The following LUC7L3 variants were observed in gnomAD, a reference collection of about 807,000 sequenced individuals.
LUC7L3 encodes luc7-like protein 3.
A neutral mutation model predicts 66.8 loss-of-function variants in LUC7L3; 6 were observed. The ratio of observed to expected loss-of-function variants is 0.09; its 90% CI spans 0.05 to 0.18. LUC7L3 has a LOEUF of 0.18. Among genes scored for constraint, LUC7L3 ranks in the 10% least tolerant of loss-of-function variants. The probability of loss-of-function intolerance (pLI) is 1.00; values close to 1 mark genes in which losing one functional copy is unlikely to be tolerated. For missense variants in LUC7L3, 341 were observed against 531.1 expected, an observed-to-expected ratio of 0.64 and a Z score of 3.52; for synonymous variants, 160 against 174.7, an observed-to-expected ratio of 0.92 and a Z score of 0.66.
rs764272372 is a variant in LUC7L3 at position 50,719,823 on chromosome 17, C to A, written c.91C>A (p.His31Asn). ...DEKRSNVRWD[H>N]ESVCKYYLCG... The stretch of plus-strand genomic sequence containing the variant: ...GAAGCGCAGCAACGTGCGGTGGGAC[C>A]ACGAGAGCGTAAGTCCCGCGGGCCT... Residue 31 changes from histidine to asparagine, a missense_variant, in exon 1 of 10, where the codon CAC becomes AAC. This residue lies in a region of LUC7L3 where 19 missense variants were observed against 17.4 expected (regional missense o/e 1.09). Transcript: ENST00000505658. 3.1e-6 allele frequency: 5 copies of A among 1,602,668 alleles called. No homozygotes were observed. The East Asian group carries it at 9.0e-5, about 29-fold the overall frequency.
chr17:50,753,004 T>C lies in LUC7L3; in HGVS notation c.*2343T>C, dbSNP rs543109151. 2 of 152,348 alleles carry C rather than the reference T, an allele frequency of 1.3e-5. No individual in the cohort carries two copies. The highest frequency in any genetic ancestry group is 3.9e-4 in the East Asian group (2 of 5,192). 9.4% of individuals were successfully genotyped at this position (152,348 alleles called of 1,614,324 possible). A position where few individuals can be genotyped will look rare whatever the true frequency, so the allele number is the denominator to read the frequency against. On this transcript the variant is annotated 3_prime_UTR_variant, in exon 10 of 10. Coordinates refer to ENST00000505658, the MANE Select transcript of LUC7L3 (RefSeq NM_016424.5). Reference sequence around the variant, plus strand: ...AGCTATGGGATGATGTAGAAAAGCATTCAAGAGCTAGTTTTTGTTAAGTCC... The same window carrying C: ...AGCTATGGGATGATGTAGAAAAGCACTCAAGAGCTAGTTTTTGTTAAGTCC...
intron 7 of LUC7L3, 128 bp downstream of exon 7, chr17:50,744,941 A>G (rs746863777): frequency 8.7e-6 from 6 of 689,968 alleles, no homozygotes; most frequent in East Asian, 2.8e-5. Flanking sequence ...CCTCCTGAGT[A>G]GCTGGGAGTA....
chr17:50,733,080 G>A (rs937437028), intron 1 of LUC7L3, among the ~76,000 whole-genome samples: 1 of 152,126 alleles, frequency 6.6e-6, no homozygotes, highest in South Asian at 2.1e-4. Context: ...TTAAACTTAC[G>A]AAACACTTAA....
intron 2 of LUC7L3, 57 bp downstream of exon 2, chr17:50,737,083 A>G: frequency 7.9e-7 from 1 of 1,269,702 alleles, no homozygotes; most frequent in Admixed American, 2.1e-5. Flanking sequence ...AATGTTGAAT[A>G]GGAGTGGTGA....
chr17:50,729,584 A>G (rs143886685), intron 1 of LUC7L3, among the ~76,000 whole-genome samples: 302 of 152,010 alleles, frequency 2.0e-3, no homozygotes, highest in African/African-American at 7.0e-3. Context: ...ACACACCCAC[A>G]CTCACCCAGA....
At chr17:50,728,203 A>G (rs1969331044) in intron 1 of LUC7L3, among the ~76,000 whole-genome samples, 1 of 152,152 alleles carries the variant, frequency 6.6e-6, no homozygotes, top group South Asian at 2.1e-4. Context: ...TTCTAAGCAG[A>G]AGAGAGATGT....
rs371267772 is a variant in LUC7L3, at chr17:50,743,695, A to C, written c.427-11A>C. 2 of 1,542,568 alleles carry C rather than the reference A, an allele frequency of 1.3e-6. No homozygotes were observed. The highest frequency in any genetic ancestry group is 3.5e-5 in the Admixed American group (2 of 57,748). On this transcript the variant is annotated splice_polypyrimidine_tract_variant and intron_variant, in intron 5 of 9. Transcript: ENST00000505658. ...GAAATCTTAACTGTTTTTTTCCCCTACTCTTCTAAGATTGAAGAATTAGGG... is the reference window on the plus strand; with the variant it reads ...GAAATCTTAACTGTTTTTTTCCCCTCCTCTTCTAAGATTGAAGAATTAGGG...
rs771007654 is a variant in LUC7L3 at position 50,740,285 on chromosome 17, C to T, written c.167-21C>T. 2.6e-6 allele frequency: 4 copies of T among 1,544,812 alleles called. No homozygotes were observed. The Admixed American group carries it at 5.6e-5, about 22-fold the overall frequency. On this transcript the variant is annotated intron_variant, in intron 2 of 9. Transcript: ENST00000505658. ...TGCTAATAATCACAGATAATTTATA[C>T]AATTATATTTTTTCCCCCAGGTCCG...
chr17:50,733,278 C>G (rs1419783182), intron 1 of LUC7L3, among the ~76,000 whole-genome samples: 1 of 150,736 alleles, frequency 6.6e-6, no homozygotes, highest in Non-Finnish European at 1.5e-5. Flanking sequence ...GAGTCTCGCT[C>G]TATCACCCGG....
intron 1 of LUC7L3, among the ~76,000 whole-genome samples, chr17:50,732,479 T>A (rs1208600862): frequency 5.3e-5 from 8 of 151,934 alleles, no homozygotes; most frequent in Admixed American, 1.3e-4. Context: ...CCTCCTGGGC[T>A]CCAACGACCC....
At chr17:50,728,678 C>T (rs763944906) in intron 1 of LUC7L3, among the ~76,000 whole-genome samples, 13 of 152,138 alleles carry the variant, frequency 8.5e-5, no homozygotes, top group Non-Finnish European at 1.8e-4. Flanking sequence ...CTCAGTCTCC[C>T]GAGTAGCTGG....
intron 1 of LUC7L3, chr17:50,723,586 T>C (rs1968938618): frequency 6.5e-6 from 1 of 154,882 alleles, no homozygotes; most frequent in Admixed American, 6.3e-5. Context: ...GTCACCAAAA[T>C]GTTCATAGTA....
intron 1 of LUC7L3, among the ~76,000 whole-genome samples, chr17:50,732,886 G>A (rs547937750): frequency 5.3e-5 from 8 of 152,214 alleles, no homozygotes; most frequent in Admixed American, 5.2e-4. Context: ...ACAGGCATGA[G>A]CCCCGCCAGG....
chr17:50,727,668 G>A (rs778958444), intron 1 of LUC7L3, among the ~76,000 whole-genome samples: 5 of 152,202 alleles, frequency 3.3e-5, no homozygotes, highest in Non-Finnish European at 5.9e-5. Context: ...TAGCCTGAGG[G>A]AGAGGAGAGA....
At chr17:50,724,181 A>G (rs1366859863) in intron 1 of LUC7L3, 1 of 266,600 alleles carries the variant, frequency 3.8e-6, no homozygotes, top group Non-Finnish European at 7.6e-6. Context: ...TGTTATTGTC[A>G]ACCTTAAAGC....
rs3063109 is a variant in LUC7L3 at position 50,730,513 on chromosome 17, C to CAAAAAAAAAAAAAAA, written c.100-6436_100-6422dup. Among the ~76,000 whole-genome samples, 35 of 59,086 alleles carry CAAAAAAAAAAAAAAA rather than the reference C, an allele frequency of 5.9e-4. 1 individual carries two copies. Among genetic ancestry groups the CAAAAAAAAAAAAAAA allele is most frequent in the African/African-American group, 2.4e-3 (32 of 13,252 alleles). 38.8% of individuals were successfully genotyped at this position (59,086 alleles called of 152,430 possible). A position where few individuals can be genotyped will look rare whatever the true frequency, so the allele number is the denominator to read the frequency against. ...CTGGGCGACAGTAAGACTCTGTCTC[C>CAAAAAAAAAAAAAAA]AAAAAAAAAAAAAAAAAAAAAAAAA... On this transcript the variant is annotated intron_variant, in intron 1 of 9. Transcript: ENST00000505658.
intron 8 of LUC7L3, 73 bp from the exon 9 acceptor site, chr17:50,746,469 A>T: frequency 7.5e-7 from 1 of 1,340,372 alleles, no homozygotes; most frequent in Non-Finnish European, 1.0e-6. Flanking sequence ...CTTGTTAATT[A>T]ATAGCATCTA....
At chr17:50,723,651 GC>G (rs71353658) in intron 1 of LUC7L3, 75,521 of 148,612 alleles carry the variant, frequency 0.51, 19,333 homozygotes, top group East Asian at 0.62. Context: ...CCTGCTCCCT[GC>G]CCCCCCCCCT....
intron 1 of LUC7L3, among the ~76,000 whole-genome samples, chr17:50,730,529 A>AAAAAAAAAAAAAAAAAAAAAAAAAG (rs1567861403): frequency 6.6e-6 from 1 of 150,818 alleles, no homozygotes; most frequent in African/African-American, 2.5e-5. Flanking sequence ...AAAAAAAAAA[A>AAAAAAAAAAAAAAAAAAAAAAAAAG]AAAAAAAAAG....
Sources: allele counts gnomAD v4.1 joint callset (sites outside exome capture counted in the v4.1 genomes callset), GRCh38; gene constraint gnomAD v4.1.1; regional missense constraint gnomAD v4.1.1; transcripts MANE v1.5; gene names NCBI Gene and HGNC (gene_info 2026-07-23, HGNC 2026-07-21).